The following ST8SIA1 variants were observed in gnomAD, a reference collection of about 807,000 sequenced individuals.
The protein encoded by ST8SIA1 is alpha-N-acetylneuraminide alpha-2,8-sialyltransferase.
A neutral mutation model predicts 35.9 loss-of-function variants in ST8SIA1; 16 were observed. That is an observed-to-expected ratio of 0.45 (90% confidence interval 0.30 to 0.68). The LOEUF (loss-of-function observed/expected upper bound fraction) is 0.68, where lower values mean the gene tolerates loss of function less well. Ranked by LOEUF, ST8SIA1 falls within the 30% of genes least tolerant of loss-of-function variation. The pLI is 0.09. For synonymous variants in ST8SIA1, 170 were observed against 169.6 expected, an observed-to-expected ratio of 1.00 and a Z score of -0.02; for missense variants, 383 against 453.6, an observed-to-expected ratio of 0.84 and a Z score of 1.41.
chr12:22,332,614 T>G (rs1866782266), intron 1 of ST8SIA1, among the ~76,000 whole-genome samples: 1 of 152,166 alleles, frequency 6.6e-6, no homozygotes, highest in Non-Finnish European at 1.5e-5. Flanking sequence ...AGAGTGAGGT[T>G]ATTTTTAAAT....
intron 4 of ST8SIA1, among the ~76,000 whole-genome samples, chr12:22,226,478 C>T (rs1002002581): frequency 6.6e-6 from 1 of 151,852 alleles, no homozygotes; most frequent in Admixed American, 6.6e-5. Context: ...TGTTTCAGCT[C>T]TGGAAAGCCT....
At chr12:22,252,804 C>A (rs2120759721) in intron 3 of ST8SIA1, among the ~76,000 whole-genome samples, 1 of 152,344 alleles carries the variant, frequency 6.6e-6, no homozygotes, top group South Asian at 2.1e-4. Context: ...GTCTTCTACA[C>A]ATTAGTAAAC....
intron 2 of ST8SIA1, among the ~76,000 whole-genome samples, chr12:22,278,977 C>T (rs754976648): frequency 3.3e-5 from 5 of 152,296 alleles, no homozygotes; most frequent in Non-Finnish European, 5.9e-5. Flanking sequence ...AATTACCTAA[C>T]AATTTTCCCA....
chr12:22,196,424 C>T lies in ST8SIA1; in HGVS notation c.*5128G>A, dbSNP rs1474350850. ...AAAAAATTCAAAAGACAAGTCTGGG[C>T]TGAGGGTAAAGCAGATGGTATCCAT... is the stretch of plus-strand genomic sequence containing the variant. On this transcript the variant is annotated 3_prime_UTR_variant, in exon 5 of 5. Transcript: ENST00000396037. 1 of 152,090 alleles carries T rather than the reference C, an allele frequency of 6.6e-6. No homozygotes were observed. Among genetic ancestry groups the T allele is most frequent in the Non-Finnish European group, 1.5e-5 (1 of 68,032 alleles). 9.4% of individuals were successfully genotyped at this position (152,090 alleles called of 1,614,324 possible).
At chr12:22,246,471 C>A (rs896636487) in intron 4 of ST8SIA1, among the ~76,000 whole-genome samples, 5 of 152,138 alleles carry the variant, frequency 3.3e-5, no homozygotes, top group African/African-American at 1.2e-4. Flanking sequence ...GCGTACAATG[C>A]CTAAAATCTT....
chr12:22,334,398 C>T lies in ST8SIA1; in HGVS notation c.-166G>A. The T allele has an allele frequency of 1.6e-6, 1 of 611,384 alleles. No individual in the cohort carries two copies. The highest frequency in any genetic ancestry group is 2.9e-6 in the Non-Finnish European group (1 of 347,992). The allele number at this position is 611,384 out of a possible 1,614,324, so 37.9% of individuals were successfully genotyped here. ...CGGCCCCGTCGGCCCCAAAGGTCAGCGCAAGGATTTTTTCAAATGCAACTT... is the reference window on the plus strand; with the variant it reads ...CGGCCCCGTCGGCCCCAAAGGTCAGTGCAAGGATTTTTTCAAATGCAACTT... On this transcript the variant is annotated 5_prime_UTR_variant, in exon 1 of 5. Coordinates refer to ENST00000396037, the MANE Select transcript of ST8SIA1 (RefSeq NM_003034.4).
intron 4 of ST8SIA1, among the ~76,000 whole-genome samples, chr12:22,225,447 C>G (rs2300721): frequency 0.78 from 118,579 of 151,936 alleles, 46,461 homozygotes; most frequent in South Asian, 0.93. Flanking sequence ...ATGGAGACCA[C>G]GGCTGAGGAA....
chr12:22,254,309 C>T (rs1240609699), intron 3 of ST8SIA1, among the ~76,000 whole-genome samples: 2 of 152,104 alleles, frequency 1.3e-5, no homozygotes, highest in African/African-American at 2.4e-5. Flanking sequence ...CATTCTTTGA[C>T]TTTAGCTTCT....
chr12:22,330,061 C>T (rs1243262629), intron 1 of ST8SIA1, among the ~76,000 whole-genome samples: 1 of 152,192 alleles, frequency 6.6e-6, no homozygotes, highest in Non-Finnish European at 1.5e-5. Flanking sequence ...AATAACTTTC[C>T]ATACAGTAAA....
chr12:22,318,152 G>A (rs1263824291), intron 1 of ST8SIA1, among the ~76,000 whole-genome samples: 1 of 152,044 alleles, frequency 6.6e-6, no homozygotes, highest in Non-Finnish European at 1.5e-5. Context: ...GGCAACAAGT[G>A]AATTATTTTA....
At chr12:22,220,711 C>A (rs1865287978) in intron 4 of ST8SIA1, among the ~76,000 whole-genome samples, 1 of 152,166 alleles carries the variant, frequency 6.6e-6, no homozygotes, top group Non-Finnish European at 1.5e-5. Flanking sequence ...CGCAAAACTC[C>A]TTCAGAGCTA....
chr12:22,224,804 G>A (rs1156280492), intron 4 of ST8SIA1, among the ~76,000 whole-genome samples: 1 of 152,076 alleles, frequency 6.6e-6, no homozygotes, highest in African/African-American at 2.4e-5. Flanking sequence ...TTTCTCTTGG[G>A]TCAAATCCTT....
chr12:22,306,510 A>G (rs1866385019), intron 1 of ST8SIA1, among the ~76,000 whole-genome samples: 1 of 152,158 alleles, frequency 6.6e-6, no homozygotes, highest in Non-Finnish European at 1.5e-5. Flanking sequence ...GTTTAGAAAT[A>G]ATTTCCCTTA....
intron 4 of ST8SIA1, among the ~76,000 whole-genome samples, chr12:22,218,053 G>A (rs1019985870): frequency 2.0e-5 from 3 of 152,198 alleles, no homozygotes; most frequent in African/African-American, 7.2e-5. Context: ...AATAGGCCCG[G>A]TGATTCATGC....
chr12:22,315,769 T>TAA (rs34854158), intron 1 of ST8SIA1, among the ~76,000 whole-genome samples: 2,645 of 129,048 alleles, frequency 0.02, 68 homozygotes, highest in African/African-American at 0.072. Context: ...CCCCTTAATG[T>TAA]AAAAAAAAAA....
intron 4 of ST8SIA1, among the ~76,000 whole-genome samples, chr12:22,224,801 T>C (rs1865337140): frequency 6.6e-6 from 1 of 152,232 alleles, no homozygotes; most frequent in Non-Finnish European, 1.5e-5. Context: ...ATCTTTCTCT[T>C]GGGTCAAATC....
At chr12:22,216,207 A>G (rs182033133) in intron 4 of ST8SIA1, among the ~76,000 whole-genome samples, 3 of 152,146 alleles carry the variant, frequency 2.0e-5, no homozygotes, top group African/African-American at 7.2e-5. Flanking sequence ...ATAATTCTCA[A>G]TCCTCCCCAA....
At position 22,288,745 on chromosome 12, in the gene ST8SIA1, G is replaced by C. The variant is rs150446030; in HGVS notation, c.237-1452C>G. On this transcript the variant is annotated intron_variant, in intron 1 of 4. Transcript: ENST00000396037. ...TTCATCTTATCAAACTTGGTAGACC[G>C]AGTGTCTCTTCTTGCTCCTACGCTG... Among the ~76,000 whole-genome samples the C allele has an allele frequency of 2.7e-3, 405 of 152,296 alleles. 3 individuals are homozygous for C. The highest frequency in any genetic ancestry group is 9.0e-3 in the African/African-American group (375 of 41,560).
chr12:22,197,639 G>T lies in ST8SIA1; in HGVS notation c.*3913C>A, dbSNP rs1865005041. The T allele has an allele frequency of 6.6e-6, 1 of 151,980 alleles. No individual in the cohort carries two copies. 9.4% of individuals were successfully genotyped at this position (151,980 alleles called of 1,614,324 possible). On this transcript the variant is annotated 3_prime_UTR_variant, in exon 5 of 5. Transcript: ENST00000396037. ...TTGTAAAGCCTTTGACTAATCCAAG[G>T]GTATTTTTGGCAAATTTAAAATCCC...
Sources: allele counts gnomAD v4.1 joint callset (sites outside exome capture counted in the v4.1 genomes callset), GRCh38; gene constraint gnomAD v4.1.1; transcripts MANE v1.5; gene names NCBI Gene and HGNC (gene_info 2026-07-23, HGNC 2026-07-21).